The following TOX4 variants were observed in gnomAD, a reference collection of about 807,000 sequenced individuals.
TOX4 encodes TOX high mobility group box family member 4, also known as epidermal Langerhans cell protein LCP1.
A neutral mutation model predicts 61.0 loss-of-function variants in TOX4; 12 were observed. That is an observed-to-expected ratio of 0.20 (90% CI 0.13 to 0.32). The LOEUF is 0.32. Ranked by LOEUF, TOX4 falls within the 10% of genes least tolerant of loss-of-function variation. TOX4 has a pLI of 1.00. For missense variants in TOX4, 499 were observed against 753.3 expected (o/e 0.66, Z 3.95); for synonymous variants, 268 against 274.8 (o/e 0.98, Z 0.24).
At chr14:21,483,232 C>G (rs1891137523) in intron 2 of TOX4, among the ~76,000 whole-genome samples, 1 of 152,058 alleles carries the variant, frequency 6.6e-6, no homozygotes, top group Non-Finnish European at 1.5e-5. Flanking sequence ...TTTTTATATC[C>G]TGACAAAGTT....
At chr14:21,487,307 G>T in intron 2 of TOX4, 144 bp from the exon 3 acceptor site, 1 of 1,173,646 alleles carries the variant, frequency 8.5e-7, no homozygotes, top group African/African-American at 1.5e-5. Flanking sequence ...AAAATAATAG[G>T]TTCTAAGAAA....
chr14:21,484,687 C>T lies in TOX4; in HGVS notation c.76-2764C>T, dbSNP rs578202215. Among the ~76,000 whole-genome samples the T allele has an allele frequency of 2.5e-4, 26 of 103,934 alleles. 7 individuals carry two copies. The highest frequency in any genetic ancestry group is 9.1e-4 in the African/African-American group (25 of 27,514). The allele number at this position is 103,934 out of a possible 152,430, so 68.2% of individuals were successfully genotyped here. A position where few individuals can be genotyped will look rare whatever the true frequency, so the allele number is the denominator to read the frequency against. ...CTTTTTCTTTTTTTTTAGACATGGTCTTGGTCTGTCGCCCAGGCAGGATTG... is the reference window on the plus strand; with the variant it reads ...CTTTTTCTTTTTTTTTAGACATGGTTTTGGTCTGTCGCCCAGGCAGGATTG... On this transcript the variant is annotated intron_variant, in intron 2 of 8. Transcript: ENST00000448790.
At position 21,498,448 on chromosome 14, in the gene TOX4, A is replaced by G. The variant is rs1190852191; in HGVS notation, c.*1842A>G. The G allele has an allele frequency of 7.5e-7, 1 of 1,335,752 alleles. No individual in the cohort carries two copies. The highest frequency in any genetic ancestry group is 1.1e-6 in the Non-Finnish European group (1 of 939,454). The allele number at this position is 1,335,752 out of a possible 1,614,324, so 82.7% of individuals were successfully genotyped here. A position where few individuals can be genotyped will look rare whatever the true frequency, so the allele number is the denominator to read the frequency against. On this transcript the variant is annotated 3_prime_UTR_variant, in exon 9 of 9. Coordinates refer to ENST00000448790, the MANE Select transcript of TOX4 (RefSeq NM_014828.4). ...AATATTGTTAAAAAATGCATACCAA[A>G]TGAAGACTGCCTATCATCATATCAA... is the stretch of plus-strand genomic sequence containing the variant.
chr14:21,487,734 G>T, intron 3 of TOX4, 41 bp downstream of exon 3: 1 of 1,579,216 alleles, frequency 6.3e-7, no homozygotes, highest in South Asian at 1.1e-5. Flanking sequence ...CAGCTAATGG[G>T]CATGGCATTA....
At chr14:21,495,155 C>G in intron 7 of TOX4, 74 bp from the exon 8 acceptor site, 1 of 1,530,290 alleles carries the variant, frequency 6.5e-7, no homozygotes, top group Non-Finnish European at 8.9e-7. Context: ...TTGGTTTCTA[C>G]AGATAATTTA....
At chr14:21,494,794 C>T (rs1396801501) in intron 7 of TOX4, among the ~76,000 whole-genome samples, 1 of 151,730 alleles carries the variant, frequency 6.6e-6, no homozygotes, top group Non-Finnish European at 1.5e-5. Flanking sequence ...TGATGGGCGC[C>T]TGTAATCCCA....
rs148198609 is a variant in TOX4, at chr14:21,488,162, G to A, written c.319-428G>A. The A allele has an allele frequency of 7.0e-4, 124 of 177,304 alleles. 2 individuals are homozygous for A. In the East Asian group the frequency reaches 0.015, roughly 21 times the overall value. The allele number at this position is 177,304 out of a possible 1,614,324, so 11.0% of individuals were successfully genotyped here. ...GGCTTCCAGCACATCGAACCAGTAA[G>A]CACATCTTCATACTCTATATTTGAT... On this transcript the variant is annotated intron_variant, in intron 3 of 8. Coordinates refer to ENST00000448790, the MANE Select transcript of TOX4 (RefSeq NM_014828.4).
At chr14:21,482,915 A>G (rs1395107070) in intron 2 of TOX4, among the ~76,000 whole-genome samples, 1 of 152,080 alleles carries the variant, frequency 6.6e-6, no homozygotes, top group Non-Finnish European at 1.5e-5. Flanking sequence ...TTCATACTTA[A>G]AGGAAGAAAT....
intron 2 of TOX4, among the ~76,000 whole-genome samples, chr14:21,483,881 C>A (rs1485169364): frequency 1.3e-5 from 2 of 152,028 alleles, no homozygotes; most frequent in Admixed American, 6.6e-5. Context: ...GATCTTGGCT[C>A]ACTGCAGCCT....
Position 21,496,723 on chromosome 14 carries a change from T to TC in TOX4, c.*118dup. The TC allele has an allele frequency of 2.3e-6, 2 of 861,008 alleles. No homozygotes were observed. Among genetic ancestry groups the TC allele is most frequent in the Non-Finnish European group, 3.7e-6 (2 of 535,742 alleles). The allele number at this position is 861,008 out of a possible 1,614,324, so 53.3% of individuals were successfully genotyped here. ...CCTCATCACAACCCATGATGGCTGT[T>TC]CATGTTTCACCCCTTTTCTTCCTTC... On this transcript the variant is annotated 3_prime_UTR_variant, in exon 9 of 9. Coordinates refer to ENST00000448790, the MANE Select transcript of TOX4 (RefSeq NM_014828.4).
At chr14:21,490,989 C>T (rs1891279306) in intron 5 of TOX4, among the ~76,000 whole-genome samples, 1 of 152,172 alleles carries the variant, frequency 6.6e-6, no homozygotes, top group Non-Finnish European at 1.5e-5. Flanking sequence ...CCACACCCAG[C>T]TAATGTTGTA....
At chr14:21,491,116 C>T (rs2139627882) in intron 5 of TOX4, among the ~76,000 whole-genome samples, 1 of 146,534 alleles carries the variant, frequency 6.8e-6, no homozygotes, top group Admixed American at 6.8e-5. Context: ...TGAGCCACCG[C>T]ACCTGGCCTA....
At chr14:21,490,492 T>G (rs925755257) in intron 5 of TOX4, among the ~76,000 whole-genome samples, 1 of 152,044 alleles carries the variant, frequency 6.6e-6, no homozygotes, top group African/African-American at 2.4e-5. Flanking sequence ...TAATAATAAT[T>G]GTTACAGAAG....
In TOX4 at chr14:21,489,048, T is replaced by A. The variant is rs1891240473; in HGVS notation, c.580-125T>A. ...TTCTTATTGGTTCTCCATATTTGAC[T>A]AATGTCTTTTAATGCTATTTCTATG... On this transcript the variant is annotated intron_variant, in intron 4 of 8. Coordinates refer to ENST00000448790, the MANE Select transcript of TOX4 (RefSeq NM_014828.4). 4 of 1,226,458 alleles carry A rather than the reference T, an allele frequency of 3.3e-6. No homozygotes were observed. The South Asian group carries it at 6.2e-5, about 19-fold the overall frequency. 76.0% of individuals were successfully genotyped at this position (1,226,458 alleles called of 1,614,324 possible). A position where few individuals can be genotyped will look rare whatever the true frequency, so the allele number is the denominator to read the frequency against.
intron 2 of TOX4, 91 bp downstream of exon 2, chr14:21,477,655 G>C: frequency 6.8e-7 from 1 of 1,462,112 alleles, no homozygotes; most frequent in Non-Finnish European, 9.4e-7. Flanking sequence ...CCGGGGACGG[G>C]GGCTGGGAAC....
chr14:21,478,362 T>G (rs968488763), intron 2 of TOX4, among the ~76,000 whole-genome samples: 2 of 152,260 alleles, frequency 1.3e-5, no homozygotes, highest in African/African-American at 4.8e-5. Flanking sequence ...GTAGGACATG[T>G]GTTTCAATTT....
intron 7 of TOX4, among the ~76,000 whole-genome samples, chr14:21,494,914 G>A (rs11852218): frequency 0.27 from 40,527 of 151,552 alleles, 5,585 homozygotes; most frequent in Middle Eastern, 0.35. Flanking sequence ...GCAAGACTCC[G>A]TCTCAAAAAA....
In TOX4 at chr14:21,488,829, T is replaced by C; in HGVS notation, c.558T>C (p.Asp186=). Residue 186 remains aspartate (D), a synonymous_variant, in exon 4 of 9, where the codon GAT becomes GAC. Transcript: ENST00000448790. ...CACCTACTAGTTCACTTCACGAGGA[T>C]GGTGTTGAGGATTTCCGGAGGGTGA... ...TPSPTSSLHE[D]GVEDFRRQLP... The C allele has an allele frequency of 6.2e-7, 1 of 1,614,134 alleles. No individual in the cohort carries two copies. Among genetic ancestry groups the C allele is most frequent in the Non-Finnish European group, 8.5e-7 (1 of 1,180,000 alleles).
At chr14:21,495,613 A>G in intron 8 of TOX4, 1 of 446,090 alleles carries the variant, frequency 2.2e-6, no homozygotes, top group Non-Finnish European at 4.0e-6. Flanking sequence ...CAGTTACCAC[A>G]TACCTCTCTT....
Sources: gnomAD v4.1 joint callset for allele counts (sites outside exome capture counted in the v4.1 genomes callset) on GRCh38, gnomAD v4.1.1 for gene constraint, MANE v1.5 for transcripts, NCBI Gene and HGNC (gene_info 2026-07-23, HGNC 2026-07-21) for gene names.